ASIC2: variants seen among roughly 807,000 people sequenced by gnomAD.
ASIC2 encodes the protein acid sensing ion channel subunit 2, also known as acid-sensing ion channel 2.
Under a neutral mutation model 57.3 loss-of-function variants are expected in ASIC2, and 25 were observed. The ratio of observed to expected loss-of-function variants is 0.44; its 90% CI spans 0.32 to 0.61. The LOEUF (loss-of-function observed/expected upper bound fraction) is 0.61. Ranked by LOEUF, ASIC2 falls within the 20% of genes least tolerant of loss-of-function variation. The pLI is 0.06. For missense variants in ASIC2, 641 were observed against 738.1 expected (o/e 0.87, Z 1.52); for synonymous variants, 319 against 307.5 (o/e 1.04, Z -0.39).
intron 1 of ASIC2, among the ~76,000 whole-genome samples, chr17:33,426,616 C>A (rs1911229001): frequency 2.0e-5 from 3 of 152,200 alleles, no homozygotes; most frequent in Non-Finnish European, 4.4e-5. Context: ...AGGTGTCCTG[C>A]TACCTGGACA....
intron 1 of ASIC2, among the ~76,000 whole-genome samples, chr17:33,508,049 C>G (rs1357128733): frequency 6.6e-6 from 1 of 152,098 alleles, no homozygotes; most frequent in Non-Finnish European, 1.5e-5. Context: ...TTATTCCCCT[C>G]CTCTACCTTT....
chr17:33,442,785 A>G (rs1240304705), intron 1 of ASIC2, among the ~76,000 whole-genome samples: 3 of 151,032 alleles, frequency 2.0e-5, no homozygotes, highest in Admixed American at 2.0e-4. Context: ...TTCTTGCCTT[A>G]TTGCACTGGT....
At chr17:34,082,929 A>C (rs1332783455) in intron 1 of ASIC2, among the ~76,000 whole-genome samples, 3 of 152,192 alleles carry the variant, frequency 2.0e-5, no homozygotes, top group Admixed American at 2.0e-4. Flanking sequence ...TTTTGAATGC[A>C]GGAGCATAAG....
chr17:34,036,524 A>G, intron 1 of ASIC2, among the ~76,000 whole-genome samples: 1 of 150,838 alleles, frequency 6.6e-6, no homozygotes. Context: ...AAGTATAATA[A>G]TAATAAAATA....
chr17:33,600,701 C>T (rs1905099920), intron 1 of ASIC2, among the ~76,000 whole-genome samples: 1 of 151,868 alleles, frequency 6.6e-6, no homozygotes, highest in East Asian at 1.9e-4. Context: ...CTTAGTGTTC[C>T]AATAATGGAA....
chr17:33,028,719 G>T (rs897041092), intron 3 of ASIC2, among the ~76,000 whole-genome samples: 1 of 151,948 alleles, frequency 6.6e-6, no homozygotes, highest in Non-Finnish European at 1.5e-5. Context: ...CCATAAATGC[G>T]GTTCTCCTCA....
chr17:33,423,372 T>C (rs1911109688), intron 1 of ASIC2, among the ~76,000 whole-genome samples: 2 of 152,186 alleles, frequency 1.3e-5, no homozygotes, highest in Non-Finnish European at 2.9e-5. Context: ...CAGGCTGTGA[T>C]TAATTATTCT....
chr17:33,903,617 G>T (rs1000182720), intron 1 of ASIC2, among the ~76,000 whole-genome samples: 2 of 152,142 alleles, frequency 1.3e-5, no homozygotes, highest in Non-Finnish European at 2.9e-5. Context: ...TTGCTTCCTA[G>T]CTATTAAAAT....
At chr17:33,257,192 C>A (rs950178116) in intron 1 of ASIC2, among the ~76,000 whole-genome samples, 5 of 152,194 alleles carry the variant, frequency 3.3e-5, no homozygotes, top group Non-Finnish European at 7.3e-5. Context: ...TTTGTAAGCA[C>A]AACCGTGGGC....
rs1905536014 is a variant in ASIC2 at position 33,292,524 on chromosome 17, CT to C, written c.-410del. 3 of 985,784 alleles carry C rather than the reference CT, an allele frequency of 3.0e-6. No individual in the cohort carries two copies. Among genetic ancestry groups the C allele is most frequent in the Non-Finnish European group, 3.6e-6 (3 of 830,370 alleles). The allele number at this position is 985,784 out of a possible 1,614,324, so 61.1% of individuals were successfully genotyped here. On this transcript the variant is annotated 5_prime_UTR_variant, in exon 1 of 10. Transcript: ENST00000225823. ...CGGGGGACCCTGAGCCGAGTCCCCC[CT>C]GCCCCGCCTAACCCCAGCTTTTACG...
chr17:34,155,149 C>T (rs1904667519), intron 1 of ASIC2, among the ~76,000 whole-genome samples: 1 of 151,948 alleles, frequency 6.6e-6, no homozygotes, highest in Non-Finnish European at 1.5e-5. Context: ...GCATCCACGT[C>T]GTTAAGTGAT....
At chr17:33,996,219 T>C (rs1220941981) in intron 1 of ASIC2, among the ~76,000 whole-genome samples, 1 of 152,208 alleles carries the variant, frequency 6.6e-6, no homozygotes, top group Non-Finnish European at 1.5e-5. Flanking sequence ...TGCTATTGAG[T>C]TGTGTGAGTT....
intron 1 of ASIC2, among the ~76,000 whole-genome samples, chr17:34,034,158 C>T (rs939175970): frequency 2.6e-5 from 4 of 152,172 alleles, no homozygotes; most frequent in African/African-American, 9.7e-5. Flanking sequence ...AAAAGCTTAT[C>T]CACCATGATC....
In ASIC2 at chr17:33,570,264, AC is replaced by A. The variant is rs1386370645; in HGVS notation, c.556-458198del. Among the ~76,000 whole-genome samples the A allele has an allele frequency of 2.0e-4, 30 of 152,318 alleles. 1 individual carries two copies. Among genetic ancestry groups the A allele is most frequent in the African/African-American group, 6.7e-4 (28 of 41,568 alleles). Reference sequence around the variant, plus strand: ...CTGCCTTTCTTCAGTCCTAGTAAAGACTATTGCCTTTGACTCTATCCCATCT... The same window carrying A: ...CTGCCTTTCTTCAGTCCTAGTAAAGATATTGCCTTTGACTCTATCCCATCT... On this transcript the variant is annotated intron_variant, in intron 1 of 9. Transcript: ENST00000359872.
intron 1 of ASIC2, among the ~76,000 whole-genome samples, chr17:33,351,100 A>C (rs1209067731): frequency 6.6e-6 from 1 of 152,206 alleles, no homozygotes; most frequent in Non-Finnish European, 1.5e-5. Flanking sequence ...TTGCTTATCA[A>C]ATATGTGACT....
At position 33,576,013 on chromosome 17, in the gene ASIC2, T is replaced by TG. The variant is rs376471691; in HGVS notation, c.556-463947dup. On this transcript the variant is annotated intron_variant, in intron 1 of 9. Coordinates refer to the ASIC2 transcript ENST00000359872. The stretch of plus-strand genomic sequence containing the variant: ...ATTTATAGCGATCCAATGCAAGTAT[T>TG]GTTTTAAATAAAAAACTGGACACAG... Among the ~76,000 whole-genome samples, 50 of 152,336 alleles carry TG rather than the reference T, an allele frequency of 3.3e-4. No homozygotes were observed. In the Middle Eastern group the frequency reaches 0.014, roughly 41 times the overall value.
intron 1 of ASIC2, among the ~76,000 whole-genome samples, chr17:33,126,664 T>C (rs573653381): frequency 9.6e-4 from 146 of 152,088 alleles, no homozygotes; most frequent in African/African-American, 3.4e-3. Context: ...TGTGCACCAG[T>C]AGTCCCAGCT....
intron 1 of ASIC2, among the ~76,000 whole-genome samples, chr17:33,945,646 T>C (rs1269041560): frequency 6.6e-6 from 1 of 152,150 alleles, no homozygotes; most frequent in Non-Finnish European, 1.5e-5. Flanking sequence ...GGCTTCTGTG[T>C]CAGGGGACAC....
At chr17:33,302,640 C>A (rs1175967808) in intron 1 of ASIC2, among the ~76,000 whole-genome samples, 3 of 152,214 alleles carry the variant, frequency 2.0e-5, no homozygotes, top group Non-Finnish European at 2.9e-5. Flanking sequence ...AAAGACCTGG[C>A]CAAACCACTT....
Sources: gnomAD v4.1 joint callset for allele counts (sites outside exome capture counted in the v4.1 genomes callset) on GRCh38, gnomAD v4.1.1 for gene constraint, MANE v1.5 for transcripts, NCBI Gene and HGNC (gene_info 2026-07-23, HGNC 2026-07-21) for gene names.